The following IGSF11 variants were observed in gnomAD, a reference collection of about 807,000 sequenced individuals.
The protein encoded by IGSF11 is immunoglobulin superfamily member 11.
A neutral mutation model predicts 41.0 loss-of-function variants in IGSF11; 22 were observed. That is an observed-to-expected ratio of 0.54 (90% CI 0.38 to 0.77). The LOEUF (loss-of-function observed/expected upper bound fraction) is 0.77. IGSF11 is among the 30% of genes least tolerant of loss of function. The pLI is 0.00. For synonymous variants in IGSF11, 219 were observed against 201.3 expected (o/e 1.09, Z -0.74); for missense variants, 444 against 530.8 (o/e 0.84, Z 1.61).
At chr3:118,933,932 C>A (rs925328078) in intron 1 of IGSF11, among the ~76,000 whole-genome samples, 2 of 152,090 alleles carry the variant, frequency 1.3e-5, no homozygotes, top group African/African-American at 4.8e-5. Flanking sequence ...GCTTCAAATA[C>A]CATCTGCTTG....
In IGSF11 at chr3:119,144,552, A is replaced by C. The variant is rs565060921; in HGVS notation, c.-14+1261T>G. Among the ~76,000 whole-genome samples, 25 of 129,998 alleles carry C rather than the reference A, an allele frequency of 1.9e-4. No individual in the cohort carries two copies. In the South Asian group the frequency reaches 6.3e-3, roughly 33 times the overall value. The allele number at this position is 129,998 out of a possible 152,430, so 85.3% of individuals were successfully genotyped here. ...CTAGACAACATACTTTTAAACAACC[A>C]ATGTGTCAAAGAAAAAAAAATCACA... On this transcript the variant is annotated intron_variant, in intron 1 of 7. Transcript: ENST00000425327.
intron 1 of IGSF11, among the ~76,000 whole-genome samples, chr3:119,011,513 A>T (rs910611417): frequency 1.1e-4 from 17 of 152,156 alleles, no homozygotes; most frequent in Admixed American, 2.6e-4. Flanking sequence ...CAGTAGAAAA[A>T]TCTGCCATCC....
intron 1 of IGSF11, among the ~76,000 whole-genome samples, chr3:119,052,555 C>T (rs1239290053): frequency 6.6e-6 from 1 of 151,982 alleles, no homozygotes; most frequent in Non-Finnish European, 1.5e-5. Flanking sequence ...CAGCTGAATT[C>T]TGTCAGACAT....
At chr3:118,911,202 T>TA (rs1940235070) in intron 4 of IGSF11, among the ~76,000 whole-genome samples, 1 of 151,906 alleles carries the variant, frequency 6.6e-6, no homozygotes, top group African/African-American at 2.4e-5. Context: ...TTTAATCTTT[T>TA]AAAAAAGAGG....
upstream of IGSF11, among the ~76,000 whole-genome samples, chr3:119,110,148 C>T (rs7640537): frequency 0.46 from 69,809 of 151,346 alleles, 16,157 homozygotes; most frequent in East Asian, 0.51. Context: ...GTATCCTTGT[C>T]AACTTTCTGT....
At chr3:118,955,422 G>T (rs950421328) in intron 1 of IGSF11, among the ~76,000 whole-genome samples, 2 of 151,930 alleles carry the variant, frequency 1.3e-5, no homozygotes, top group African/African-American at 4.8e-5. Flanking sequence ...AGCTGTGAGG[G>T]TTATCATCTA....
At chr3:119,134,605 G>A (rs770905332) in intron 1 of IGSF11, among the ~76,000 whole-genome samples, 1 of 152,110 alleles carries the variant, frequency 6.6e-6, no homozygotes, top group Non-Finnish European at 1.5e-5. Flanking sequence ...CTCACAGATA[G>A]GAAGAATCAA....
At chr3:118,984,025 G>A (rs1010577891) in intron 1 of IGSF11, among the ~76,000 whole-genome samples, 3 of 151,806 alleles carry the variant, frequency 2.0e-5, no homozygotes, top group African/African-American at 7.3e-5. Context: ...CTTCCTAGGG[G>A]GTTCAAATAC....
chr3:119,101,486 G>C (rs962908223), intron 1 of IGSF11, among the ~76,000 whole-genome samples: 1 of 152,060 alleles, frequency 6.6e-6, no homozygotes, highest in African/African-American at 2.4e-5. Flanking sequence ...ACTCCAGCCT[G>C]GGCAACAGGA....
At chr3:119,145,093 A>G (rs1406833903) in intron 1 of IGSF11, among the ~76,000 whole-genome samples, 1 of 152,216 alleles carries the variant, frequency 6.6e-6, no homozygotes, top group Non-Finnish European at 1.5e-5. Flanking sequence ...ACTTTACTTC[A>G]GTGTGCTTAG....
intron 1 of IGSF11, among the ~76,000 whole-genome samples, chr3:119,031,129 C>T (rs537179345): frequency 3.3e-5 from 5 of 151,980 alleles, no homozygotes; most frequent in African/African-American, 9.7e-5. Flanking sequence ...TGGTGGTATG[C>T]GCCTGTAATC....
rs1186701816 is a variant in IGSF11 at position 119,057,635 on chromosome 3, G to A, written c.49+47509C>T. Among the ~76,000 whole-genome samples the A allele has an allele frequency of 1.3e-4, 20 of 152,074 alleles. No individual in the cohort carries two copies. In the South Asian group the frequency reaches 2.1e-3, roughly 16 times the overall value. On this transcript the variant is annotated intron_variant, in intron 1 of 6. Transcript: ENST00000354673. ...TGGAAAAAACTACTTTAAAGTTCAT[G>A]TGGAACCAAAAAAGAACCCGCATTG...
At chr3:119,072,453 A>C (rs1295818027) in intron 1 of IGSF11, among the ~76,000 whole-genome samples, 1 of 152,198 alleles carries the variant, frequency 6.6e-6, no homozygotes, top group Non-Finnish European at 1.5e-5. Flanking sequence ...CACTGACTTC[A>C]AGAATGAAGC....
At chr3:118,994,812 T>C (rs2107657850) in intron 1 of IGSF11, among the ~76,000 whole-genome samples, 1 of 150,988 alleles carries the variant, frequency 6.6e-6, no homozygotes, top group South Asian at 2.1e-4. Flanking sequence ...GAGAAGGGAG[T>C]AGTTAATTTT....
chr3:119,110,954 A>G (rs2077145997), intron 1 of IGSF11, among the ~76,000 whole-genome samples: 1 of 151,900 alleles, frequency 6.6e-6, no homozygotes. Context: ...TTCTGCCGAG[A>G]GATCCGCTAT....
At chr3:119,091,793 C>T (rs1414161415) in intron 1 of IGSF11, among the ~76,000 whole-genome samples, 1 of 152,022 alleles carries the variant, frequency 6.6e-6, no homozygotes, top group Non-Finnish European at 1.5e-5. Context: ...CAAACCTCAG[C>T]ATCACACACC....
chr3:118,978,772 C>T (rs1442500111), intron 1 of IGSF11, among the ~76,000 whole-genome samples: 1 of 152,186 alleles, frequency 6.6e-6, no homozygotes, highest in African/African-American at 2.4e-5. Context: ...TATTCATCTT[C>T]AGGAAAAAGT....
chr3:118,952,155 T>C (rs988336627), intron 1 of IGSF11, among the ~76,000 whole-genome samples: 2 of 152,174 alleles, frequency 1.3e-5, no homozygotes, highest in African/African-American at 4.8e-5. Context: ...AAACACTTCA[T>C]GGCTAAAAAT....
At chr3:119,045,302 C>A (rs1227904092) in intron 1 of IGSF11, among the ~76,000 whole-genome samples, 1 of 152,176 alleles carries the variant, frequency 6.6e-6, no homozygotes, top group African/African-American at 2.4e-5. Context: ...GTGCACGAGC[C>A]GAAGCAGGGC....
Sources: allele counts gnomAD v4.1 joint callset (sites outside exome capture counted in the v4.1 genomes callset), GRCh38; gene constraint gnomAD v4.1.1; transcripts MANE v1.5; gene names NCBI Gene and HGNC (gene_info 2026-07-23, HGNC 2026-07-21).